Variants in NRXN3 observed in about 807,000 individuals in gnomAD.
NRXN3 encodes neurexin 3, also known as neurexin III.
In NRXN3, 32 loss-of-function variants were observed where a neutral mutation model predicts 137.6. The observed-to-expected ratio is 0.23, with a 90% CI of 0.18 to 0.31. NRXN3 has a LOEUF of 0.31. NRXN3 is among the 10% of genes least tolerant of loss of function. The pLI, the probability that NRXN3 is intolerant of heterozygous loss-of-function variation, is 1.00. For missense variants in NRXN3, 1,574 were observed against 2,062.5 expected, an observed-to-expected ratio of 0.76 and a Z score of 4.59; for synonymous variants, 798 against 784.5, an observed-to-expected ratio of 1.02 and a Z score of -0.29.
rs1339687034 is a variant in NRXN3, at chr14:79,641,298, G to A, written c.3445-22480G>A. Among the ~76,000 whole-genome samples the A allele has an allele frequency of 1.5e-5, 2 of 135,398 alleles. 1 individual carries two copies. The allele number at this position is 135,398 out of a possible 152,430, so 88.8% of individuals were successfully genotyped here. A position where few individuals can be genotyped will look rare whatever the true frequency, so the allele number is the denominator to read the frequency against. ...GCTGGGATTACAGGCATGAGCCACCGCGCTCGGCCTCTTCTTTACTATAGA... is the reference window on the plus strand; with the variant it reads ...GCTGGGATTACAGGCATGAGCCACCACGCTCGGCCTCTTCTTTACTATAGA... On this transcript the variant is annotated intron_variant, in intron 16 of 20. Transcript: ENST00000335750.
rs2141981127 is a variant in NRXN3 at position 79,863,272 on chromosome 14, A to T, written c.*1308A>T. Reference sequence around the variant, plus strand: ...TTTTTAAAAACAAATAAATGAATAAAGCTGCTGTGACACACACACAAAAGG... The same window carrying T: ...TTTTTAAAAACAAATAAATGAATAATGCTGCTGTGACACACACACAAAAGG... On this transcript the variant is annotated 3_prime_UTR_variant, in exon 21 of 21. Transcript: ENST00000335750. 1 of 151,956 alleles carries T rather than the reference A, an allele frequency of 6.6e-6. No homozygotes were observed. Among genetic ancestry groups the T allele is most frequent in the African/African-American group, 2.4e-5 (1 of 41,466 alleles). 9.4% of individuals were successfully genotyped at this position (151,956 alleles called of 1,614,324 possible).
At chr14:79,648,979 G>T (rs937446278) in intron 16 of NRXN3, among the ~76,000 whole-genome samples, 2 of 152,168 alleles carry the variant, frequency 1.3e-5, no homozygotes, top group Non-Finnish European at 2.9e-5. Flanking sequence ...ACAAAGTAGA[G>T]TGGCAAGCGA....
At chr14:78,468,693 C>T (rs2095185240) in intron 4 of NRXN3, among the ~76,000 whole-genome samples, 1 of 152,096 alleles carries the variant, frequency 6.6e-6, no homozygotes, top group South Asian at 2.1e-4. Context: ...ACTCAAAATT[C>T]AAAGAATATG....
intron 15 of NRXN3, among the ~76,000 whole-genome samples, chr14:79,322,767 G>A (rs1566796769): frequency 6.6e-6 from 1 of 152,126 alleles, no homozygotes; most frequent in Non-Finnish European, 1.5e-5. Flanking sequence ...GATTCAATGG[G>A]GAACATCAGC....
chr14:79,772,828 G>T (rs1047252871), intron 19 of NRXN3, among the ~76,000 whole-genome samples: 4 of 152,136 alleles, frequency 2.6e-5, no homozygotes, highest in African/African-American at 9.7e-5. Flanking sequence ...ACTACCATCA[G>T]AGTGAACAGG....
rs199864143 is a variant in NRXN3, at chr14:79,629,161, A to AAATTTGTATC, written c.3445-34614_3445-34605dup. 4.0e-3 allele frequency among the ~76,000 whole-genome samples: 613 copies of AAATTTGTATC among 152,354 alleles called. 2 individuals are homozygous for AAATTTGTATC. The highest frequency in any genetic ancestry group is 0.012 in the African/African-American group (511 of 41,578). On this transcript the variant is annotated intron_variant, in intron 16 of 20. Coordinates refer to ENST00000335750, the MANE Select transcript of NRXN3 (RefSeq NM_001330195.2). ...GTCCCCAGATAATTTTTAAATGATC[A>AAATTTGTATC]AATTTGTATCAAAGACATTATTTAT...
chr14:78,215,214 C>T (rs1251989759), intron 1 of NRXN3, among the ~76,000 whole-genome samples: 2 of 152,158 alleles, frequency 1.3e-5, no homozygotes, highest in South Asian at 2.1e-4. Context: ...GCCCTCTCCC[C>T]CTGACCCTGT....
chr14:78,791,276 A>G (rs2098804372), intron 8 of NRXN3, among the ~76,000 whole-genome samples: 1 of 152,214 alleles, frequency 6.6e-6, no homozygotes, highest in African/African-American at 2.4e-5. Flanking sequence ...AATGGTAGAA[A>G]GGAAGAACAG....
intron 20 of NRXN3, among the ~76,000 whole-genome samples, chr14:79,838,793 A>G (rs779558783): frequency 1.3e-5 from 2 of 152,186 alleles, no homozygotes; most frequent in African/African-American, 4.8e-5. Flanking sequence ...TAGGAAGCTC[A>G]TTCTTGGGCC....
At chr14:79,744,417 A>AC (rs34384076) in intron 19 of NRXN3, among the ~76,000 whole-genome samples, 60,016 of 151,942 alleles carry the variant, frequency 0.39, 12,117 homozygotes, top group Middle Eastern at 0.45. Flanking sequence ...GATGTTTCCT[A>AC]CCCCCCAAAA....
chr14:79,778,847 C>T (rs1038250777), intron 19 of NRXN3, among the ~76,000 whole-genome samples: 2 of 152,170 alleles, frequency 1.3e-5, no homozygotes, highest in African/African-American at 4.8e-5. Flanking sequence ...CTTTTAGGCA[C>T]TTCTTGGGCT....
At chr14:78,676,438 A>G (rs1028431526) in intron 6 of NRXN3, among the ~76,000 whole-genome samples, 3 of 152,158 alleles carry the variant, frequency 2.0e-5, no homozygotes, top group African/African-American at 7.2e-5. Context: ...CATTTCCTTA[A>G]TCCAGAGCCT....
intron 8 of NRXN3, among the ~76,000 whole-genome samples, chr14:78,772,995 G>A (rs1018144901): frequency 2.6e-5 from 4 of 152,024 alleles, no homozygotes; most frequent in East Asian, 1.9e-4. Context: ...TTTTAGTTAC[G>A]TTTTGTTCTT....
At chr14:79,772,672 C>T (rs905740183) in intron 19 of NRXN3, among the ~76,000 whole-genome samples, 6 of 152,134 alleles carry the variant, frequency 3.9e-5, no homozygotes, top group Non-Finnish European at 7.3e-5. Flanking sequence ...ACCATAAAAA[C>T]CCTGGAAGAA....
At chr14:79,468,498 G>T (rs1289924345) in intron 16 of NRXN3, among the ~76,000 whole-genome samples, 8 of 152,150 alleles carry the variant, frequency 5.3e-5, no homozygotes, top group Non-Finnish European at 7.4e-5. Flanking sequence ...AGATCAACTG[G>T]GGATTACTAC....
At chr14:79,430,520 A>G (rs2095734208) in intron 15 of NRXN3, among the ~76,000 whole-genome samples, 1 of 152,188 alleles carries the variant, frequency 6.6e-6, no homozygotes, top group Admixed American at 6.6e-5. Context: ...TTGGCAAACA[A>G]AGGAGAAGCT....
At chr14:78,232,658 C>A (rs138060396) in intron 1 of NRXN3, among the ~76,000 whole-genome samples, 2 of 152,230 alleles carry the variant, frequency 1.3e-5, no homozygotes. Flanking sequence ...CTCTCTCCCC[C>A]AGCCCTCCCT....
At chr14:78,226,417 G>A (rs953224706) in intron 1 of NRXN3, among the ~76,000 whole-genome samples, 40 of 152,274 alleles carry the variant, frequency 2.6e-4, no homozygotes, top group African/African-American at 6.3e-4. Context: ...ACCTTTCTGC[G>A]TATATTAAAA....
At chr14:78,517,575 C>T (rs1214980351) in intron 4 of NRXN3, among the ~76,000 whole-genome samples, 2 of 152,146 alleles carry the variant, frequency 1.3e-5, no homozygotes, top group Non-Finnish European at 2.9e-5. Context: ...CTCTTCATTG[C>T]ATTAGTCAAG....
Sources: allele counts gnomAD v4.1 joint callset (sites outside exome capture counted in the v4.1 genomes callset), GRCh38; gene constraint gnomAD v4.1.1; transcripts MANE v1.5; gene names NCBI Gene and HGNC (gene_info 2026-07-23, HGNC 2026-07-21).